SPECC1: variants seen among roughly 807,000 people sequenced by gnomAD.
The protein encoded by SPECC1 is sperm antigen with calponin homology and coiled-coil domains 1.
SPECC1 carries 62 observed loss-of-function variants against 104.1 expected under a neutral mutation model. That is an observed-to-expected ratio of 0.60 (90% CI 0.49 to 0.74). SPECC1 has a LOEUF of 0.74. Among genes scored for constraint, SPECC1 ranks in the 30% least tolerant of loss-of-function variants. SPECC1 has a pLI of 0.00. For missense variants in SPECC1, 1,306 were observed against 1,310.5 expected (o/e 1.00, Z 0.05); for synonymous variants, 513 against 501.6 (o/e 1.02, Z -0.30).
At chr17:20,217,264 TG>T (rs1403995330) in intron 4 of SPECC1, among the ~76,000 whole-genome samples, 4 of 147,492 alleles carry the variant, frequency 2.7e-5, no homozygotes, top group African/African-American at 1.0e-4. Flanking sequence ...GTTTTTTTAT[TG>T]TGTGTGTGTG....
chr17:20,236,805 G>A (rs1342401062), intron 7 of SPECC1: 1 of 1,606,958 alleles, frequency 6.2e-7, no homozygotes. Flanking sequence ...AACTAAGACT[G>A]TATTGCCTTA....
At chr17:20,236,522 T>A (rs2038920707) in intron 7 of SPECC1, among the ~76,000 whole-genome samples, 1 of 152,122 alleles carries the variant, frequency 6.6e-6, no homozygotes, top group Non-Finnish European at 1.5e-5. Context: ...GCCTTGACAG[T>A]AGAGAGAAGC....
At chr17:20,052,347 AC>A (rs530108496) in intron 1 of SPECC1, among the ~76,000 whole-genome samples, 50 of 152,312 alleles carry the variant, frequency 3.3e-4, no homozygotes, top group African/African-American at 1.0e-3. Flanking sequence ...TGAGGTCCTA[AC>A]AGAAAAGGAA....
intron 4 of SPECC1, among the ~76,000 whole-genome samples, chr17:20,206,743 A>C (rs910816335): frequency 6.6e-6 from 1 of 152,190 alleles, no homozygotes; most frequent in African/African-American, 2.4e-5. Context: ...CAAAGAGTAT[A>C]AACATTTTAA....
chr17:20,177,002 C>T (rs1265910434), intron 3 of SPECC1, among the ~76,000 whole-genome samples: 1 of 152,050 alleles, frequency 6.6e-6, no homozygotes, highest in Non-Finnish European at 1.5e-5. Flanking sequence ...ACAGCGGTAC[C>T]CTGAGCCAAA....
intron 3 of SPECC1, among the ~76,000 whole-genome samples, chr17:20,184,180 T>G (rs1597908225): frequency 2.3e-5 from 2 of 85,890 alleles, no homozygotes; most frequent in Non-Finnish European, 4.3e-5. Flanking sequence ...GACTCCTGTC[T>G]CAAAAAAAAA....
At chr17:20,186,505 G>C (rs539618576) in intron 3 of SPECC1, among the ~76,000 whole-genome samples, 2 of 152,330 alleles carry the variant, frequency 1.3e-5, no homozygotes, top group South Asian at 4.1e-4. Context: ...TAAAGCAAGT[G>C]CTTGTATTGT....
At chr17:20,194,129 T>C (rs555909152) in intron 3 of SPECC1, among the ~76,000 whole-genome samples, 4 of 152,354 alleles carry the variant, frequency 2.6e-5, no homozygotes, top group African/African-American at 9.6e-5. Context: ...TAATTATTTT[T>C]CACATAGGCT....
intron 3 of SPECC1, among the ~76,000 whole-genome samples, chr17:20,202,316 A>C (rs1383473596): frequency 6.6e-6 from 1 of 152,090 alleles, no homozygotes; most frequent in African/African-American, 2.4e-5. Context: ...CTCAGATCGC[A>C]GTAAAAAGTG....
intron 4 of SPECC1, among the ~76,000 whole-genome samples, chr17:20,212,266 A>G (rs570823450): frequency 1.3e-5 from 2 of 152,356 alleles, no homozygotes; most frequent in Admixed American, 1.3e-4. Flanking sequence ...AGGGCTAAGA[A>G]CCGAGCAGAG....
chr17:20,115,400 G>A (rs2048706225), intron 3 of SPECC1, among the ~76,000 whole-genome samples: 1 of 152,280 alleles, frequency 6.6e-6, no homozygotes, highest in African/African-American at 2.4e-5. Flanking sequence ...TTGAACCCGG[G>A]AGGTGGAGGT....
At chr17:20,087,680 T>C (rs1238116569) in intron 1 of SPECC1, among the ~76,000 whole-genome samples, 1 of 152,124 alleles carries the variant, frequency 6.6e-6, no homozygotes, top group Non-Finnish European at 1.5e-5. Flanking sequence ...TGAACACTTA[T>C]TATGTGCCAG....
rs186915426 is a variant in SPECC1 at position 20,169,589 on chromosome 17, G to A, written c.284-34744G>A. On this transcript the variant is annotated intron_variant, in intron 3 of 14. Coordinates refer to ENST00000395527, the MANE Select transcript of SPECC1 (RefSeq NM_001243439.2). ...TTAATTTTTCTTGGTCCCTTATTGC[G>A]TTATATATAAAATAAGGGTATGTGT... Among the ~76,000 whole-genome samples, 163 of 151,428 alleles carry A rather than the reference G, an allele frequency of 1.1e-3. 1 individual carries two copies. Among genetic ancestry groups the A allele is most frequent in the Admixed American group, 5.5e-3 (84 of 15,226 alleles).
At chr17:20,274,455 C>T (rs995778793) in intron 12 of SPECC1, among the ~76,000 whole-genome samples, 4 of 149,472 alleles carry the variant, frequency 2.7e-5, no homozygotes, top group Admixed American at 6.7e-5. Flanking sequence ...TGTTGGTTTT[C>T]TAGGTAAACT....
At chr17:20,288,123 A>G (rs1172325076) in intron 12 of SPECC1, among the ~76,000 whole-genome samples, 3 of 152,218 alleles carry the variant, frequency 2.0e-5, no homozygotes, top group Non-Finnish European at 4.4e-5. Context: ...TGCAAAGGAC[A>G]TGATCTTGTT....
chr17:20,072,600 CG>C (rs2046598785), intron 1 of SPECC1, among the ~76,000 whole-genome samples: 1 of 152,192 alleles, frequency 6.6e-6, no homozygotes, highest in African/African-American at 2.4e-5. Flanking sequence ...CAGGCCAGGC[CG>C]GCTCTGAACT....
At chr17:20,213,876 AATTTTTTTTTTTAAATAGCAG>A (rs1193806388) in intron 4 of SPECC1, among the ~76,000 whole-genome samples, 1 of 71,338 alleles carries the variant, frequency 1.4e-5, no homozygotes, top group East Asian at 7.1e-3. Context: ...GTCTCTGAAG[AATTTTTTTTTTTAAATAGCAG>A]CTTTTATTGA....
chr17:20,316,569 A>G lies in SPECC1; in HGVS notation c.*2504A>G, dbSNP rs1468994025. The G allele has an allele frequency of 5.4e-6, 1 of 184,380 alleles. No homozygotes were observed. The highest frequency in any genetic ancestry group is 1.1e-5 in the Non-Finnish European group (1 of 87,184). 11.4% of individuals were successfully genotyped at this position (184,380 alleles called of 1,614,324 possible). A position where few individuals can be genotyped will look rare whatever the true frequency, so the allele number is the denominator to read the frequency against. ...TTTTTAGTAAAGAGGGGGTTTCACCATGTTGGCCCGGCTGGTCTCGAACTC... is the reference window on the plus strand; with the variant it reads ...TTTTTAGTAAAGAGGGGGTTTCACCGTGTTGGCCCGGCTGGTCTCGAACTC... On this transcript the variant is annotated 3_prime_UTR_variant, in exon 15 of 15. Coordinates refer to ENST00000395527, the MANE Select transcript of SPECC1 (RefSeq NM_001243439.2).
At chr17:20,086,566 A>G (rs2047185930) in intron 1 of SPECC1, among the ~76,000 whole-genome samples, 1 of 152,168 alleles carries the variant, frequency 6.6e-6, no homozygotes, top group African/African-American at 2.4e-5. Flanking sequence ...CACCAGGGGC[A>G]TGTGGCATGT....
Sources: allele counts gnomAD v4.1 joint callset (sites outside exome capture counted in the v4.1 genomes callset), GRCh38; gene constraint gnomAD v4.1.1; transcripts MANE v1.5; gene names NCBI Gene and HGNC (gene_info 2026-07-23, HGNC 2026-07-21).